Variants in SEMA3D observed in about 807,000 individuals in gnomAD.
SEMA3D encodes semaphorin-3D.
In SEMA3D, 84 loss-of-function variants were observed where a neutral mutation model predicts 100.1. The ratio of observed to expected loss-of-function variants is 0.84; its 90% CI spans 0.70 to 1.01. The LOEUF (loss-of-function observed/expected upper bound fraction) is 1.01, where lower values mean the gene tolerates loss of function less well. Ranked by LOEUF, SEMA3D falls within the 50% of genes least tolerant of loss-of-function variation. SEMA3D has a pLI of 0.00. For synonymous variants in SEMA3D, 312 were observed against 320.7 expected (o/e 0.97, Z 0.29); for missense variants, 875 against 934.1 (o/e 0.94, Z 0.82).
chr7:85,009,946 A>C (rs1164853604), intron 17 of SEMA3D, among the ~76,000 whole-genome samples: 1 of 151,848 alleles, frequency 6.6e-6, no homozygotes, highest in Non-Finnish European at 1.5e-5. Flanking sequence ...TAATCAAGTA[A>C]ATGAATAAAA....
the SEMA3D span, among the ~76,000 whole-genome samples, chr7:85,234,071 A>C: frequency 1.3e-5 from 2 of 152,218 alleles, no homozygotes; most frequent in African/African-American, 2.4e-5. Context: ...TACAAACTGA[A>C]GTTTTTGGTG....
intron 1 of SEMA3D, among the ~76,000 whole-genome samples, chr7:85,164,099 G>A (rs1000276331): frequency 6.6e-6 from 1 of 152,220 alleles, no homozygotes; most frequent in Admixed American, 6.5e-5. Context: ...GCTCAGAGAA[G>A]TGTAGTGAGT....
At position 85,042,214 on chromosome 7, in the gene SEMA3D, T is replaced by A; in HGVS notation, c.933A>T (p.Ser311=). Reference sequence around the variant, plus strand: ...TATCTGCCCCATCACTTCCAGGAATTGAGCAAATCAGTCTGGCCTTAAGAA... The same window carrying A: ...TATCTGCCCCATCACTTCCAGGAATAGAGCAAATCAGTCTGGCCTTAAGAA... ...TTFLKARLIC[S]IPGSDGADTY... Residue 311 remains serine, a synonymous_variant, in exon 10 of 19, where the codon TCA becomes TCT. Coordinates refer to ENST00000284136, the MANE Select transcript of SEMA3D (RefSeq NM_001384900.1). 1 of 1,613,624 alleles carries A rather than the reference T, an allele frequency of 6.2e-7. No individual in the cohort carries two copies.
the SEMA3D span, among the ~76,000 whole-genome samples, chr7:85,225,095 T>TA: frequency 3.0e-5 from 1 of 33,876 alleles, no homozygotes; most frequent in African/African-American, 3.1e-4. Context: ...TATATATATA[T>TA]ATATATATAT....
At chr7:85,006,775 G>C (rs771816877) in intron 18 of SEMA3D, 27 bp downstream of exon 18, 9 of 1,545,824 alleles carry the variant, frequency 5.8e-6, no homozygotes, top group South Asian at 1.2e-5. Flanking sequence ...CCCTCAAAGT[G>C]AGTATTCTTT....
At chr7:85,115,463 T>C (rs1261180513) in intron 3 of SEMA3D, among the ~76,000 whole-genome samples, 2 of 152,208 alleles carry the variant, frequency 1.3e-5, no homozygotes, top group Admixed American at 1.3e-4. Flanking sequence ...GATGTTTGCA[T>C]TACCCACGTT....
the SEMA3D span, among the ~76,000 whole-genome samples, chr7:85,212,751 T>C: frequency 3.8e-3 from 582 of 152,220 alleles, 14 homozygotes; most frequent in African/African-American, 0.013. Context: ...ATCTAATTTA[T>C]AGATTTATAT....
the SEMA3D span, among the ~76,000 whole-genome samples, chr7:85,210,388 A>AG: frequency 6.6e-6 from 1 of 152,082 alleles, no homozygotes; most frequent in Non-Finnish European, 1.5e-5. Flanking sequence ...TTATGCTTTT[A>AG]GGGAATTCCT....
chr7:85,211,829 C>A, the SEMA3D span, among the ~76,000 whole-genome samples: 1 of 151,876 alleles, frequency 6.6e-6, no homozygotes, highest in Non-Finnish European at 1.5e-5. Flanking sequence ...TTTTATCTTC[C>A]TTATAATTTT....
At chr7:85,214,785 C>A in the SEMA3D span, among the ~76,000 whole-genome samples, 7,138 of 152,130 alleles carry the variant, frequency 0.047, 319 homozygotes, top group African/African-American at 0.11. Flanking sequence ...CGTGAGCCAC[C>A]GTGCCCGGCC....
At chr7:85,237,800 C>T in the SEMA3D span, among the ~76,000 whole-genome samples, 1 of 152,124 alleles carries the variant, frequency 6.6e-6, no homozygotes, top group African/African-American at 2.4e-5. Context: ...TGGGTAAACG[C>T]TAAAGAATGC....
At chr7:85,202,847 C>G in the SEMA3D span, among the ~76,000 whole-genome samples, 1 of 151,702 alleles carries the variant, frequency 6.6e-6, no homozygotes, top group Non-Finnish European at 1.5e-5. Flanking sequence ...CACAATTGCA[C>G]TAAGTTGTTT....
At chr7:85,133,637 C>A (rs1288591936) in intron 2 of SEMA3D, among the ~76,000 whole-genome samples, 4 of 151,976 alleles carry the variant, frequency 2.6e-5, no homozygotes, top group Non-Finnish European at 5.9e-5. Context: ...GCTCAGCCTA[C>A]TGGTTAAAAG....
intron 2 of SEMA3D, among the ~76,000 whole-genome samples, chr7:85,124,248 T>C (rs968598487): frequency 6.6e-6 from 1 of 151,978 alleles, no homozygotes; most frequent in African/African-American, 2.4e-5. Context: ...TTTCAACTTG[T>C]TAGTTAGAAT....
chr7:85,073,103 A>G, intron 5 of SEMA3D, 22 bp from the exon 6 acceptor site: 1 of 1,610,014 alleles, frequency 6.2e-7, no homozygotes, highest in Non-Finnish European at 8.5e-7. Flanking sequence ...AAAAATTAAA[A>G]GCATTAACAC....
intron 1 of SEMA3D, among the ~76,000 whole-genome samples, chr7:85,164,563 A>G (rs1192236521): frequency 6.6e-6 from 1 of 152,150 alleles, no homozygotes; most frequent in Non-Finnish European, 1.5e-5. Flanking sequence ...GGATTTCTTC[A>G]TACAACACAG....
At chr7:85,156,266 C>T (rs1790593777) in intron 1 of SEMA3D, among the ~76,000 whole-genome samples, 1 of 151,990 alleles carries the variant, frequency 6.6e-6, no homozygotes, top group Non-Finnish European at 1.5e-5. Flanking sequence ...CCACACCTGG[C>T]TAACTTTTGT....
At chr7:85,001,906 T>C (rs1789665833) in intron 18 of SEMA3D, among the ~76,000 whole-genome samples, 1 of 152,128 alleles carries the variant, frequency 6.6e-6, no homozygotes, top group African/African-American at 2.4e-5. Flanking sequence ...ATCTCTAGAT[T>C]TCCTTTACAT....
chr7:85,184,848 A>G (rs578061001), intron 1 of SEMA3D, among the ~76,000 whole-genome samples: 42 of 151,974 alleles, frequency 2.8e-4, no homozygotes, highest in Admixed American at 7.9e-4. Context: ...GGCACCCCTG[A>G]CCCGTCTTAT....
Sources: allele counts gnomAD v4.1 joint callset (sites outside exome capture counted in the v4.1 genomes callset), GRCh38; gene constraint gnomAD v4.1.1; transcripts MANE v1.5; gene names NCBI Gene and HGNC (gene_info 2026-07-23, HGNC 2026-07-21).